P4HA3: variants seen among roughly 807,000 people sequenced by gnomAD.
The protein encoded by P4HA3 is prolyl 4-hydroxylase subunit alpha-3.
In P4HA3, 60 loss-of-function variants were observed where a neutral mutation model predicts 66.7. The observed-to-expected ratio is 0.90, with a 90% CI of 0.73 to 1.12. P4HA3 has a LOEUF of 1.12. Among genes scored for constraint, P4HA3 ranks in the 50% most tolerant of loss-of-function variants. The pLI is 0.00. For missense variants in P4HA3, 683 were observed against 685.8 expected, an observed-to-expected ratio of 1.00 and a Z score of 0.05; for synonymous variants, 263 against 274.6, an observed-to-expected ratio of 0.96 and a Z score of 0.42.
intron 1 of P4HA3, 152 bp from the exon 2 acceptor site, chr11:74,304,564 C>G: frequency 1.1e-6 from 1 of 875,110 alleles, no homozygotes; most frequent in Non-Finnish European, 1.7e-6. Flanking sequence ...GCCATGCAAG[C>G]CCAAAGAATA....
intron 15 of P4HA3, among the ~76,000 whole-genome samples, chr11:74,257,311 G>C (rs1442883187): frequency 6.6e-6 from 1 of 152,190 alleles, no homozygotes; most frequent in African/African-American, 2.4e-5. Flanking sequence ...TTTTAGTAGA[G>C]ATGGGGTTTT....
Position 74,266,771 on chromosome 11 carries a change from C to A in P4HA3, c.*477G>T. 1 of 423,862 alleles carries A rather than the reference C, an allele frequency of 2.4e-6. No homozygotes were observed. Among genetic ancestry groups the A allele is most frequent in the Non-Finnish European group, 4.2e-6 (1 of 238,632 alleles). 26.3% of individuals were successfully genotyped at this position (423,862 alleles called of 1,614,324 possible). A position where few individuals can be genotyped will look rare whatever the true frequency, so the allele number is the denominator to read the frequency against. ...TAATGTACCACTCATCTGGGATATG[C>A]TTCTGGGAGGGGGACACTCCCTGCT... On this transcript the variant is annotated 3_prime_UTR_variant, in exon 13 of 13. Coordinates refer to ENST00000331597, the MANE Select transcript of P4HA3 (RefSeq NM_182904.5).
intron 5 of P4HA3, among the ~76,000 whole-genome samples, chr11:74,288,586 C>T (rs1253677793): frequency 1.3e-5 from 2 of 152,230 alleles, no homozygotes; most frequent in East Asian, 3.9e-4. Flanking sequence ...AAAATTTCCC[C>T]CTGATGCATT....
At chr11:74,278,339 G>A (rs1006339560) in intron 8 of P4HA3, among the ~76,000 whole-genome samples, 5 of 152,166 alleles carry the variant, frequency 3.3e-5, no homozygotes, top group African/African-American at 1.2e-4. Context: ...GGAGAAGCAG[G>A]CTCAGGGCAT....
chr11:74,271,176 G>C (rs1434583526), intron 10 of P4HA3, among the ~76,000 whole-genome samples: 7 of 152,148 alleles, frequency 4.6e-5, no homozygotes, highest in Non-Finnish European at 7.3e-5. Context: ...CAAGTGAACT[G>C]ACATGGTGAT....
intron 15 of P4HA3, chr11:74,251,499 G>A (rs953621056): frequency 1.9e-5 from 28 of 1,449,288 alleles, no homozygotes; most frequent in Admixed American, 2.8e-5. Context: ...CTGCTAGGGA[G>A]GGCCTAGGTC....
chr11:74,293,198 T>TA (rs1861093154), intron 4 of P4HA3, among the ~76,000 whole-genome samples: 2 of 152,088 alleles, frequency 1.3e-5, no homozygotes, highest in Admixed American at 6.5e-5. Flanking sequence ...TACCATTATG[T>TA]AATGGCCTTC....
chr11:74,298,125 G>T, intron 4 of P4HA3, 87 bp downstream of exon 4: 1 of 1,478,344 alleles, frequency 6.8e-7, no homozygotes, highest in Admixed American at 2.1e-5. Context: ...AACAGATGAA[G>T]ACATGAAAAT....
At chr11:74,277,456 G>C (rs1343094183) in intron 8 of P4HA3, among the ~76,000 whole-genome samples, 4 of 152,142 alleles carry the variant, frequency 2.6e-5, no homozygotes, top group Non-Finnish European at 4.4e-5. Context: ...AGGGACCCGG[G>C]TACAGTGGGA....
At chr11:74,271,431 G>A (rs1860193597) in intron 10 of P4HA3, among the ~76,000 whole-genome samples, 1 of 152,190 alleles carries the variant, frequency 6.6e-6, no homozygotes, top group African/African-American at 2.4e-5. Context: ...GATTCTGCAT[G>A]CAATGAAGCT....
intron 15 of P4HA3, chr11:74,252,002 G>A (rs75627623): frequency 0.047 from 28,636 of 614,202 alleles, 994 homozygotes; most frequent in South Asian, 0.11. Context: ...CCTTTGAGGA[G>A]GCTGGGATAG....
rs780853545 is a variant in P4HA3, at chr11:74,304,423, G to C, written c.201-11C>G. ...ACCTTGTCGTAGAATCTGAAAGAAA[G>C]GAGTAGAATGATCTCACCTCCTGAT... On this transcript the variant is annotated splice_polypyrimidine_tract_variant and intron_variant, in intron 1 of 12. Coordinates refer to ENST00000331597, the MANE Select transcript of P4HA3 (RefSeq NM_182904.5). The C allele has an allele frequency of 1.9e-6, 3 of 1,613,852 alleles. No individual in the cohort carries two copies. The highest frequency in any genetic ancestry group is 2.5e-6 in the Non-Finnish European group (3 of 1,179,846).
At chr11:74,300,650 T>C (rs527642464) in intron 3 of P4HA3, among the ~76,000 whole-genome samples, 1 of 152,106 alleles carries the variant, frequency 6.6e-6, no homozygotes, top group Admixed American at 6.5e-5. Flanking sequence ...AAGAATTTCA[T>C]AAACTAGAAA....
intron 3 of P4HA3, among the ~76,000 whole-genome samples, chr11:74,300,283 T>A (rs1861365155): frequency 6.6e-6 from 1 of 152,176 alleles, no homozygotes; most frequent in African/African-American, 2.4e-5. Context: ...TAATCCATCA[T>A]GAGCAAGAGT....
intron 1 of P4HA3, among the ~76,000 whole-genome samples, chr11:74,307,442 G>T (rs1036302140): frequency 1.3e-5 from 2 of 152,146 alleles, no homozygotes; most frequent in Non-Finnish European, 2.9e-5. Flanking sequence ...TTTGCATTTT[G>T]GGGTTGATTT....
intron 15 of P4HA3, among the ~76,000 whole-genome samples, chr11:74,256,339 G>T (rs745728033): frequency 6.6e-6 from 1 of 152,198 alleles, no homozygotes; most frequent in East Asian, 1.9e-4. Flanking sequence ...GAGCTTTGTG[G>T]TTGGTTGTGT....
At chr11:74,277,224 C>T (rs1860431121) in intron 8 of P4HA3, 80 bp from the exon 9 acceptor site, 1 of 1,472,938 alleles carries the variant, frequency 6.8e-7, no homozygotes, top group African/African-American at 1.4e-5. Flanking sequence ...AATGAATAAA[C>T]AAATGAATTA....
chr11:74,284,059 A>C lies in P4HA3; in HGVS notation c.1110+1750T>G, dbSNP rs191600468. ...GCACACAGTGGGCTCTATTCTGTTG[A>C]CGAATGACTAATGGCTGCCTGGATG... On this transcript the variant is annotated intron_variant, in intron 7 of 12. Transcript: ENST00000331597. 2.0e-5 allele frequency among the ~76,000 whole-genome samples: 3 copies of C among 152,374 alleles called. No homozygotes were observed. The East Asian group carries it at 5.8e-4, about 29-fold the overall frequency.
At chr11:74,279,526 T>C (rs1276004593) in intron 7 of P4HA3, 74 bp from the exon 8 acceptor site, 4 of 1,404,090 alleles carry the variant, frequency 2.8e-6, no homozygotes, top group Non-Finnish European at 4.0e-6. Context: ...TCCACAGACA[T>C]ATTTCTCTCT....
Sources: gnomAD v4.1 joint callset for allele counts (sites outside exome capture counted in the v4.1 genomes callset) on GRCh38, gnomAD v4.1.1 for gene constraint, MANE v1.5 for transcripts, NCBI Gene and HGNC (gene_info 2026-07-23, HGNC 2026-07-21) for gene names.